The following CSMD1 variants were observed in gnomAD, a reference collection of about 807,000 sequenced individuals.
The protein encoded by CSMD1 is CUB and Sushi multiple domains 1.
CSMD1 carries 213 observed loss-of-function variants against 417.5 expected under a neutral mutation model. That is an observed-to-expected ratio of 0.51 (90% CI 0.46 to 0.57). The LOEUF (loss-of-function observed/expected upper bound fraction) is 0.57, where lower values mean the gene tolerates loss of function less well. CSMD1 is among the 20% of genes least tolerant of loss of function. The probability of loss-of-function intolerance (pLI) is 0.00; values close to 1 mark genes in which losing one functional copy is unlikely to be tolerated. For missense variants in CSMD1, 6,923 were observed against 4,529.7 expected (o/e 1.53, Z -15.17); for synonymous variants, 2,862 against 1,736.8 (o/e 1.65, Z -16.11).
intron 5 of CSMD1, among the ~76,000 whole-genome samples, chr8:3,782,591 C>T (rs1799241224): frequency 3.9e-5 from 6 of 152,102 alleles, no homozygotes; most frequent in Admixed American, 3.9e-4. Flanking sequence ...CACATGTAAT[C>T]CTATGTAACA....
At chr8:3,243,608 T>C (rs1799687907) in intron 26 of CSMD1, among the ~76,000 whole-genome samples, 1 of 152,000 alleles carries the variant, frequency 6.6e-6, no homozygotes, top group Non-Finnish European at 1.5e-5. Flanking sequence ...TTTCACTTCT[T>C]TTGTGGTGGA....
At chr8:3,599,246 G>C (rs1584942723) in intron 8 of CSMD1, among the ~76,000 whole-genome samples, 1 of 151,834 alleles carries the variant, frequency 6.6e-6, no homozygotes, top group Non-Finnish European at 1.5e-5. Context: ...GATTACTGCA[G>C]TCAAGCAAAT....
chr8:3,187,620 C>T (rs1437002902), intron 36 of CSMD1, among the ~76,000 whole-genome samples: 1 of 152,168 alleles, frequency 6.6e-6, no homozygotes, highest in Non-Finnish European at 1.5e-5. Context: ...CTGAGACCTG[C>T]CGCATGTCAA....
chr8:4,725,991 C>G (rs927966568), intron 1 of CSMD1, among the ~76,000 whole-genome samples: 1 of 152,044 alleles, frequency 6.6e-6, no homozygotes, highest in African/African-American at 2.4e-5. Context: ...TTTGGTATCA[C>G]GAACTAGTTG....
intron 3 of CSMD1, among the ~76,000 whole-genome samples, chr8:4,371,080 T>C (rs1360184854): frequency 1.3e-5 from 2 of 152,210 alleles, no homozygotes; most frequent in Non-Finnish European, 2.9e-5. Context: ...AAGTTACTGT[T>C]CTTTAGATGG....
At chr8:3,371,084 A>G (rs1048918143) in intron 18 of CSMD1, among the ~76,000 whole-genome samples, 2 of 152,188 alleles carry the variant, frequency 1.3e-5, no homozygotes, top group African/African-American at 2.4e-5. Flanking sequence ...CATCAGACCC[A>G]GAACATACAT....
At chr8:3,973,086 A>T (rs1257771719) in intron 5 of CSMD1, among the ~76,000 whole-genome samples, 1 of 152,238 alleles carries the variant, frequency 6.6e-6, no homozygotes, top group East Asian at 1.9e-4. Context: ...TTTACAGAAT[A>T]CCTAATTTTT....
chr8:3,912,169 T>A (rs1334108262), intron 5 of CSMD1, among the ~76,000 whole-genome samples: 1 of 152,226 alleles, frequency 6.6e-6, no homozygotes, highest in Non-Finnish European at 1.5e-5. Flanking sequence ...TTCACATTTC[T>A]CATGAATTTG....
chr8:4,192,673 A>C (rs975220202), intron 3 of CSMD1, among the ~76,000 whole-genome samples: 6 of 152,194 alleles, frequency 3.9e-5, no homozygotes, highest in Admixed American at 1.3e-4. Context: ...TTAAATCTGC[A>C]CTTAAATCTT....
intron 1 of CSMD1, among the ~76,000 whole-genome samples, chr8:4,952,380 C>T (rs908282898): frequency 6.6e-5 from 10 of 151,988 alleles, no homozygotes; most frequent in South Asian, 6.2e-4. Flanking sequence ...TTCAAATGTC[C>T]ACACAGTTTC....
intron 3 of CSMD1, among the ~76,000 whole-genome samples, chr8:4,348,375 G>A (rs1202894764): frequency 3.3e-5 from 5 of 152,080 alleles, no homozygotes; most frequent in Non-Finnish European, 7.4e-5. Flanking sequence ...TACGCTACAA[G>A]TGTTTAAAGA....
intron 1 of CSMD1, among the ~76,000 whole-genome samples, chr8:4,962,502 T>A (rs1056198764): frequency 2.6e-5 from 4 of 152,210 alleles, no homozygotes; most frequent in Non-Finnish European, 4.4e-5. Context: ...TGTCCCATCG[T>A]GCCCAGCCTA....
At chr8:3,483,769 T>C (rs1475249214) in intron 11 of CSMD1, among the ~76,000 whole-genome samples, 2 of 152,124 alleles carry the variant, frequency 1.3e-5, no homozygotes, top group Non-Finnish European at 2.9e-5. Flanking sequence ...AATGCAACAA[T>C]GTACAAATCA....
intron 3 of CSMD1, among the ~76,000 whole-genome samples, chr8:4,390,497 T>TTTATTTATTTATTTA (rs1554457298): frequency 0.028 from 3,980 of 140,334 alleles, 129 homozygotes; most frequent in African/African-American, 0.077. Context: ...AAGCGTCCAT[T>TTTATTTATTTATTTA]TTTATTTATT....
chr8:4,916,023 G>A (rs187081876), intron 1 of CSMD1, among the ~76,000 whole-genome samples: 1 of 152,202 alleles, frequency 6.6e-6, no homozygotes. Flanking sequence ...GTTGCCCCTC[G>A]TTCATAGAAT....
chr8:4,013,325 C>G (rs982416068), intron 4 of CSMD1, among the ~76,000 whole-genome samples: 1 of 148,248 alleles, frequency 6.7e-6, no homozygotes, highest in African/African-American at 2.4e-5. Flanking sequence ...ACTCACCGTA[C>G]GCTGTTGTCT....
In CSMD1 at chr8:2,978,646, A is replaced by T; in HGVS notation, c.8532T>A (p.Asn2844Lys). The change falls in exon 55 of 70, where the codon AAT becomes AAA. Residue 2844 changes from asparagine to lysine, a missense_variant. By Grantham distance (94) the Asn-to-Lys change is moderately conservative. Coordinates refer to ENST00000635120, the MANE Select transcript of CSMD1 (RefSeq NM_033225.6). ...LGSSALTCMA[N>K]GLWDRSLPKC... Reference sequence around the variant, plus strand: ...TGGGCAGGGATCGGTCCCATAAGCCATTTGCCATACAGGTCAAGGCTGAAG... The same window carrying T: ...TGGGCAGGGATCGGTCCCATAAGCCTTTTGCCATACAGGTCAAGGCTGAAG... 6.2e-7 allele frequency: 1 copy of T among 1,604,794 alleles called. No homozygotes were observed. Among genetic ancestry groups the T allele is most frequent in the African/African-American group, 1.3e-5 (1 of 74,918 alleles).
In CSMD1 at chr8:3,187,508, G is replaced by C. The variant is rs931083023; in HGVS notation, c.5620+361C>G. 2.6e-5 allele frequency among the ~76,000 whole-genome samples: 4 copies of C among 152,210 alleles called. No homozygotes were observed. In the South Asian group the frequency reaches 6.2e-4, roughly 24 times the overall value. On this transcript the variant is annotated intron_variant, in intron 36 of 69. Coordinates refer to ENST00000635120, the MANE Select transcript of CSMD1 (RefSeq NM_033225.6). The stretch of plus-strand genomic sequence containing the variant: ...CCACATGCTCAGTGTAATTTTCCCA[G>C]ATTGCTTAATGTCAGGCTGTGCATT...
chr8:3,266,328 G>A (rs371036685), intron 26 of CSMD1, among the ~76,000 whole-genome samples: 40 of 151,776 alleles, frequency 2.6e-4, no homozygotes, highest in African/African-American at 8.4e-4. Context: ...CCACCCGGCC[G>A]GGCACAGTGG....
Sources: gnomAD v4.1 joint callset for allele counts (sites outside exome capture counted in the v4.1 genomes callset) on GRCh38, gnomAD v4.1.1 for gene constraint, MANE v1.5 for transcripts, NCBI Gene and HGNC (gene_info 2026-07-23, HGNC 2026-07-21) for gene names.